The following PPP2R2B variants were observed in gnomAD, a reference collection of about 807,000 sequenced individuals.
PPP2R2B encodes protein phosphatase 2 regulatory subunit Bbeta.
PPP2R2B carries 5 observed loss-of-function variants against 46.0 expected under a neutral mutation model. The observed-to-expected ratio is 0.11, with a 90% CI of 0.06 to 0.23. PPP2R2B has a LOEUF of 0.23. Among genes scored for constraint, PPP2R2B ranks in the 10% least tolerant of loss-of-function variants. PPP2R2B has a pLI of 1.00. For synonymous variants in PPP2R2B, 215 were observed against 206.7 expected (o/e 1.04, Z -0.34); for missense variants, 367 against 575.0 (o/e 0.64, Z 3.70).
intron 1 of PPP2R2B, among the ~76,000 whole-genome samples, chr5:146,952,894 A>T: frequency 6.6e-6 from 1 of 152,212 alleles, no homozygotes; most frequent in East Asian, 1.9e-4. Flanking sequence ...ACAAAATGTT[A>T]GCAAATGAAT....
chr5:146,592,113 T>A, intron 9 of PPP2R2B: 1 of 443,690 alleles, frequency 2.3e-6, no homozygotes, highest in South Asian at 1.6e-5. Flanking sequence ...TGTTCTTATG[T>A]CACAGTTGCT....
chr5:146,610,096 T>C (rs1772729101), intron 7 of PPP2R2B, among the ~76,000 whole-genome samples: 1 of 55,848 alleles, frequency 1.8e-5, no homozygotes, highest in Non-Finnish European at 3.0e-5. Flanking sequence ...TAAGTGTCCC[T>C]GTCTGACAGC....
At chr5:146,822,841 C>A (rs1360838817) in intron 2 of PPP2R2B, among the ~76,000 whole-genome samples, 1 of 152,250 alleles carries the variant, frequency 6.6e-6, no homozygotes, top group South Asian at 2.1e-4. Flanking sequence ...CACTAAAGCA[C>A]CAAGATAAGT....
At chr5:146,802,808 C>A (rs1314905250) in intron 2 of PPP2R2B, among the ~76,000 whole-genome samples, 1 of 152,134 alleles carries the variant, frequency 6.6e-6, no homozygotes, top group Non-Finnish European at 1.5e-5. Flanking sequence ...GGAGATCAAG[C>A]CTTTAACTTG....
chr5:146,998,531 T>C (rs1754023005), intron 1 of PPP2R2B, among the ~76,000 whole-genome samples: 3 of 152,192 alleles, frequency 2.0e-5, no homozygotes, highest in Admixed American at 6.5e-5. Context: ...CACCTGTATT[T>C]GCATGCACAT....
chr5:146,852,671 T>C (rs572316565), intron 2 of PPP2R2B, among the ~76,000 whole-genome samples: 2 of 152,282 alleles, frequency 1.3e-5, no homozygotes, highest in East Asian at 1.9e-4. Flanking sequence ...CCAAACATTC[T>C]CAACAATTCC....
At chr5:146,985,920 A>G (rs1341422380) in intron 1 of PPP2R2B, among the ~76,000 whole-genome samples, 1 of 152,230 alleles carries the variant, frequency 6.6e-6, no homozygotes, top group East Asian at 1.9e-4. Context: ...CAAAAACAAC[A>G]AACTATACAA....
chr5:146,607,747 C>T (rs1772427783), intron 7 of PPP2R2B: 1 of 152,130 alleles, frequency 6.6e-6, no homozygotes, highest in African/African-American at 2.4e-5. Context: ...AGCAAATGGG[C>T]TGGTATGACC....
intron 1 of PPP2R2B, among the ~76,000 whole-genome samples, chr5:146,916,618 G>A (rs1763394262): frequency 6.6e-6 from 1 of 151,992 alleles, no homozygotes. Flanking sequence ...AAACTGTATT[G>A]ACTTCCCTCA....
At chr5:147,000,015 A>T (rs1754091813) in intron 1 of PPP2R2B, among the ~76,000 whole-genome samples, 1 of 152,170 alleles carries the variant, frequency 6.6e-6, no homozygotes, top group South Asian at 2.1e-4. Context: ...CATTCCAAAA[A>T]AAAATTCTCA....
intron 1 of PPP2R2B, among the ~76,000 whole-genome samples, chr5:146,969,172 C>A (rs1169564697): frequency 2.6e-5 from 4 of 152,122 alleles, no homozygotes; most frequent in African/African-American, 9.7e-5. Context: ...AAGGCAGATC[C>A]AGTCAAGAGT....
intron 1 of PPP2R2B, chr5:147,035,194 A>G (rs1229524091): frequency 2.2e-6 from 1 of 447,414 alleles, no homozygotes; most frequent in Admixed American, 2.4e-5. Context: ...GGGAGGTCTC[A>G]GGAAACTTAC....
At chr5:146,733,505 TAAG>T (rs1273108566) in intron 2 of PPP2R2B, among the ~76,000 whole-genome samples, 1 of 152,154 alleles carries the variant, frequency 6.6e-6, no homozygotes, top group East Asian at 1.9e-4. Flanking sequence ...TGGCTTTCAG[TAAG>T]AAGTATGTGA....
At chr5:146,754,030 A>G (rs1753703981) in intron 2 of PPP2R2B, among the ~76,000 whole-genome samples, 1 of 152,066 alleles carries the variant, frequency 6.6e-6, no homozygotes, top group South Asian at 2.1e-4. Context: ...ATAATTTCTC[A>G]TCATAAATCC....
At chr5:146,911,705 C>T (rs2963076) in intron 1 of PPP2R2B, among the ~76,000 whole-genome samples, 22,863 of 152,144 alleles carry the variant, frequency 0.15, 2,006 homozygotes, top group East Asian at 0.28. Context: ...ACCCAAATAC[C>T]TCTTCCCTCT....
chr5:146,865,308 A>G (rs1216386165), intron 2 of PPP2R2B, among the ~76,000 whole-genome samples: 1 of 151,662 alleles, frequency 6.6e-6, no homozygotes, highest in Non-Finnish European at 1.5e-5. Context: ...ACACACACAC[A>G]CACACACACA....
chr5:146,615,015 T>G (rs1772990894), intron 7 of PPP2R2B, among the ~76,000 whole-genome samples: 1 of 116,698 alleles, frequency 8.6e-6, no homozygotes, highest in Non-Finnish European at 1.6e-5. Context: ...TATACCCAAA[T>G]GACTATAAAT....
chr5:146,669,837 A>T (rs887910744), intron 5 of PPP2R2B, among the ~76,000 whole-genome samples: 1 of 152,210 alleles, frequency 6.6e-6, no homozygotes, highest in African/African-American at 2.4e-5. Context: ...TTCAAATACC[A>T]TCTGAACCTT....
At chr5:146,745,745 G>T (rs1753151776) in intron 2 of PPP2R2B, among the ~76,000 whole-genome samples, 1 of 152,122 alleles carries the variant, frequency 6.6e-6, no homozygotes, top group Non-Finnish European at 1.5e-5. Flanking sequence ...GGATCACAAG[G>T]TCAGGAGATC....
Sources: gnomAD v4.1 joint callset for allele counts (sites outside exome capture counted in the v4.1 genomes callset) on GRCh38, gnomAD v4.1.1 for gene constraint, MANE v1.5 for transcripts, NCBI Gene and HGNC (gene_info 2026-07-23, HGNC 2026-07-21) for gene names.